The following GFRA2 variants were observed in gnomAD, a reference collection of about 807,000 sequenced individuals.
The protein encoded by GFRA2 is GDNF family receptor alpha 2.
In GFRA2, 17 loss-of-function variants were observed where a neutral mutation model predicts 48.3. The ratio of observed to expected loss-of-function variants is 0.35; its 90% CI spans 0.24 to 0.53. GFRA2 has a LOEUF of 0.53. GFRA2 is among the 20% of genes least tolerant of loss of function. The pLI is 0.93. For missense variants in GFRA2, 660 were observed against 637.3 expected (o/e 1.04, Z -0.38); for synonymous variants, 305 against 257.2 (o/e 1.19, Z -1.78).
chr8:21,761,268 C>A (rs1805896846), intron 3 of GFRA2, among the ~76,000 whole-genome samples: 1 of 152,232 alleles, frequency 6.6e-6, no homozygotes, highest in African/African-American at 2.4e-5. Context: ...TTACTGACAA[C>A]CCACTGTGTG....
In GFRA2 at chr8:21,788,843, G is replaced by C. The variant is rs1807420578; in HGVS notation, c.-684C>G. The C allele has an allele frequency of 1.0e-6, 1 of 968,344 alleles. No individual in the cohort carries two copies. The highest frequency in any genetic ancestry group is 6.2e-5 in the Admixed American group (1 of 16,170). 60.0% of individuals were successfully genotyped at this position (968,344 alleles called of 1,614,324 possible). The stretch of plus-strand genomic sequence containing the variant: ...CCTCTCTCTCTCTCTCCTCTCCCTC[G>C]CTCGCTCTTTGCTCTCGCTCTCTCC... On this transcript the variant is annotated 5_prime_UTR_variant, in exon 1 of 9. Coordinates refer to ENST00000524240, the MANE Select transcript of GFRA2 (RefSeq NM_001495.5).
chr8:21,708,823 T>C (rs988441453), intron 4 of GFRA2, among the ~76,000 whole-genome samples: 5 of 152,224 alleles, frequency 3.3e-5, no homozygotes, highest in African/African-American at 9.7e-5. Context: ...GAAAAAAGCA[T>C]GGCCCTGCCA....
intron 3 of GFRA2, among the ~76,000 whole-genome samples, chr8:21,773,024 C>A (rs1235449133): frequency 6.6e-6 from 1 of 152,222 alleles, no homozygotes; most frequent in Non-Finnish European, 1.5e-5. Flanking sequence ...CCAGGGTGTG[C>A]CCACCATAGC....
intron 2 of GFRA2, among the ~76,000 whole-genome samples, chr8:21,779,380 T>C (rs1341913713): frequency 6.6e-6 from 1 of 152,138 alleles, no homozygotes; most frequent in Non-Finnish European, 1.5e-5. Context: ...GCCAGTGACA[T>C]GGGAAGGGCT....
At position 21,750,501 on chromosome 8, in the gene GFRA2, C is replaced by T; in HGVS notation, c.794+87G>A. 1.4e-6 allele frequency: 1 copy of T among 715,528 alleles called. No homozygotes were observed. The highest frequency in any genetic ancestry group is 3.9e-4 in the Middle Eastern group (1 of 2,554). 44.3% of individuals were successfully genotyped at this position (715,528 alleles called of 1,614,324 possible). ...CTGGACTCAGGGTCATAATTCGATG[C>T]ACCCAAGGAATGCAGAGAAAGGAAA... On this transcript the variant is annotated intron_variant, in intron 4 of 8. Transcript: ENST00000524240. This position sits in a 1 kb window ranked among gnomAD's most constrained non-coding sequence, Gnocchi z 5.7.
At chr8:21,753,511 G>A (rs1805397751) in intron 3 of GFRA2, among the ~76,000 whole-genome samples, 2 of 152,212 alleles carry the variant, frequency 1.3e-5, no homozygotes, top group South Asian at 4.2e-4. Flanking sequence ...ACGGGAGACT[G>A]AGGCAGTAGA....
intron 2 of GFRA2, among the ~76,000 whole-genome samples, chr8:21,780,244 T>C (rs1008528035): frequency 1.3e-5 from 2 of 152,096 alleles, no homozygotes; most frequent in African/African-American, 2.4e-5. Flanking sequence ...CGATGGCCGA[T>C]GGCCGGCACG....
intron 4 of GFRA2, among the ~76,000 whole-genome samples, chr8:21,746,616 T>C (rs1805018235): frequency 6.6e-6 from 1 of 152,126 alleles, no homozygotes; most frequent in Admixed American, 6.5e-5. Context: ...TATTTCCCAG[T>C]GCAAGAAGCT....
At position 21,694,447 on chromosome 8, in the gene GFRA2, C is replaced by T; in HGVS notation, c.1272+17G>A. The T allele has an allele frequency of 1.9e-6, 3 of 1,610,344 alleles. No homozygotes were observed. The highest frequency in any genetic ancestry group is 2.5e-6 in the Non-Finnish European group (3 of 1,178,898). ...GCCCAGCCTTCTGCACCCATCCCCA[C>T]TCTGCCCCCAACTCACCTCTGTGAA... On this transcript the variant is annotated intron_variant, in intron 8 of 8. Transcript: ENST00000524240.
chr8:21,762,368 T>G (rs1304579320), intron 3 of GFRA2, among the ~76,000 whole-genome samples: 1 of 152,178 alleles, frequency 6.6e-6, no homozygotes, highest in Non-Finnish European at 1.5e-5. Flanking sequence ...ACCTGAACCC[T>G]TGTCCCCTAC....
chr8:21,754,797 C>T (rs181622952), intron 3 of GFRA2, among the ~76,000 whole-genome samples: 1 of 152,312 alleles, frequency 6.6e-6, no homozygotes, highest in Admixed American at 6.5e-5. Context: ...GCATGAGTCA[C>T]TGTGCCTGGC....
chr8:21,808,167 C>T (rs572555262), intron 1 of GFRA2, among the ~76,000 whole-genome samples: 1 of 152,272 alleles, frequency 6.6e-6, no homozygotes, highest in African/African-American at 2.4e-5. Flanking sequence ...ATTCCATTTT[C>T]TCTGGGGGAA....
At chr8:21,755,397 T>A (rs1327326432) in intron 3 of GFRA2, among the ~76,000 whole-genome samples, 1 of 152,122 alleles carries the variant, frequency 6.6e-6, no homozygotes, top group Admixed American at 6.5e-5. Flanking sequence ...AATAAGCCTT[T>A]TACTACAAAA....
Position 21,700,633 on chromosome 8 carries a change from G to A in GFRA2, c.1218+2172C>T, listed in dbSNP as rs1044338070. ...CTTCACCAGGCCTCTGGTGGCTTGG[G>A]TTTAGGAAGATCTTGGAGGGTCTTT... On this transcript the variant is annotated intron_variant, in intron 7 of 8. Coordinates refer to ENST00000524240, the MANE Select transcript of GFRA2 (RefSeq NM_001495.5). Among the ~76,000 whole-genome samples, 4 of 152,200 alleles carry A rather than the reference G, an allele frequency of 2.6e-5. No individual in the cohort carries two copies. In the East Asian group the frequency reaches 7.7e-4, roughly 29 times the overall value.
At chr8:21,719,850 G>A (rs1189564638) in intron 4 of GFRA2, among the ~76,000 whole-genome samples, 2 of 152,084 alleles carry the variant, frequency 1.3e-5, no homozygotes, top group South Asian at 2.1e-4. Flanking sequence ...TGCCCCTGCA[G>A]TGGTCACTCT....
chr8:21,790,393 C>T (rs1349598320), upstream of GFRA2, among the ~76,000 whole-genome samples: 1 of 152,210 alleles, frequency 6.6e-6, no homozygotes, highest in Non-Finnish European at 1.5e-5. Context: ...GTTTAAGATG[C>T]ATTCTTAAAT....
At chr8:21,756,875 T>G (rs1427739255) in intron 3 of GFRA2, among the ~76,000 whole-genome samples, 1 of 152,160 alleles carries the variant, frequency 6.6e-6, no homozygotes, top group African/African-American at 2.4e-5. Flanking sequence ...GGGCTGGCCC[T>G]GGAGAGCCTG....
At chr8:21,713,149 A>G (rs1803157286) in intron 4 of GFRA2, among the ~76,000 whole-genome samples, 1 of 152,062 alleles carries the variant, frequency 6.6e-6, no homozygotes. Flanking sequence ...TGGGCATCCA[A>G]TATTTTTATT....
At chr8:21,712,374 G>A (rs1384697885) in intron 4 of GFRA2, among the ~76,000 whole-genome samples, 90 of 151,190 alleles carry the variant, frequency 6.0e-4, no homozygotes, top group African/African-American at 2.2e-3. Flanking sequence ...AGACGGGGCG[G>A]CGGGGCAGAG....
Sources: allele counts gnomAD v4.1 joint callset (sites outside exome capture counted in the v4.1 genomes callset), GRCh38; gene constraint gnomAD v4.1.1; non-coding constraint Gnocchi (gnomAD v3.1); transcripts MANE v1.5; gene names NCBI Gene and HGNC (gene_info 2026-07-23, HGNC 2026-07-21).